Variants in TUT4 observed in about 807,000 individuals in gnomAD.
TUT4 encodes the protein terminal uridylyltransferase 4.
In TUT4, 36 loss-of-function variants were observed where a neutral mutation model predicts 192.2. The ratio of observed to expected loss-of-function variants is 0.19; its 90% CI spans 0.14 to 0.25. The LOEUF is 0.25. Ranked by LOEUF, TUT4 falls within the 10% of genes least tolerant of loss-of-function variation. The probability of loss-of-function intolerance (pLI) is 1.00; values close to 1 mark genes in which losing one functional copy is unlikely to be tolerated. For synonymous variants in TUT4, 618 were observed against 666.0 expected, an observed-to-expected ratio of 0.93 and a Z score of 1.11; for missense variants, 1,493 against 1,957.2, an observed-to-expected ratio of 0.76 and a Z score of 4.47.
At chr1:52,460,959 A>C in intron 19 of TUT4, 175 bp downstream of exon 19, 1 of 405,720 alleles carries the variant, frequency 2.5e-6, no homozygotes, top group East Asian at 3.6e-5. Flanking sequence ...CAGGAAAAAA[A>C]GACAGAGCCA....
chr1:52,441,001 T>C (rs1292815384), intron 24 of TUT4, among the ~76,000 whole-genome samples: 3 of 152,218 alleles, frequency 2.0e-5, no homozygotes, highest in Non-Finnish European at 2.9e-5. Context: ...TGTTCATCTA[T>C]AAATGCTGAT....
chr1:52,433,933 T>G (rs867723840), intron 27 of TUT4: 11 of 152,280 alleles, frequency 7.2e-5, no homozygotes, highest in African/African-American at 2.4e-4. Context: ...ATGTACAGGG[T>G]GTTCAACTGA....
chr1:52,522,016 C>G (rs1489320862), intron 2 of TUT4, among the ~76,000 whole-genome samples: 2 of 151,952 alleles, frequency 1.3e-5, no homozygotes, highest in Non-Finnish European at 2.9e-5. Context: ...ATTTATTTCA[C>G]TGAGAATCAA....
rs200216151 is a variant in TUT4, at chr1:52,452,776, TGA to T, written c.3435+5558_3435+5559del. On this transcript the variant is annotated intron_variant, in intron 20 of 29. Transcript: ENST00000257177. ...AAACCAGTAAGCCTAAGTAAATGGT[TGA>T]GTTCTGTGAGCCATTCTAGCAAATT... Among the ~76,000 whole-genome samples the T allele has an allele frequency of 3.5e-3, 540 of 152,306 alleles. 8 individuals carry two copies. Among genetic ancestry groups the T allele is most frequent in the South Asian group, 0.034 (163 of 4,814 alleles).
At chr1:52,500,013 T>C (rs993549095) in intron 4 of TUT4, among the ~76,000 whole-genome samples, 13 of 151,486 alleles carry the variant, frequency 8.6e-5, no homozygotes, top group South Asian at 2.1e-4. Flanking sequence ...TCCCAGCTAC[T>C]TGGGAGGCTG....
intron 3 of TUT4, among the ~76,000 whole-genome samples, chr1:52,512,219 C>T (rs974134077): frequency 6.6e-6 from 1 of 152,178 alleles, no homozygotes; most frequent in African/African-American, 2.4e-5. Context: ...CTGATTCTAT[C>T]TCCTTATTTA....
At chr1:52,480,679 T>C (rs1268482376) in intron 11 of TUT4, among the ~76,000 whole-genome samples, 1 of 152,120 alleles carries the variant, frequency 6.6e-6, no homozygotes, top group Non-Finnish European at 1.5e-5. Context: ...AGTGATATTC[T>C]GGAAAAGACA....
intron 6 of TUT4, among the ~76,000 whole-genome samples, chr1:52,495,117 T>A (rs1672132891): frequency 6.6e-6 from 1 of 152,170 alleles, no homozygotes; most frequent in African/African-American, 2.4e-5. Context: ...AATCTAGGTA[T>A]CTGATTTCAA....
chr1:52,503,296 C>A (rs1308165904), intron 4 of TUT4, among the ~76,000 whole-genome samples: 1 of 151,872 alleles, frequency 6.6e-6, no homozygotes, highest in Non-Finnish European at 1.5e-5. Context: ...ATGGAGCTTA[C>A]AGTCAAGAGA....
At chr1:52,426,903 G>A (rs925999644) in intron 28 of TUT4, among the ~76,000 whole-genome samples, 4 of 151,920 alleles carry the variant, frequency 2.6e-5, no homozygotes, top group Admixed American at 6.6e-5. Flanking sequence ...AATCTCCTCC[G>A]ATACAACTAT....
At chr1:52,532,045 G>A (rs1293583644) in intron 1 of TUT4, among the ~76,000 whole-genome samples, 1 of 151,360 alleles carries the variant, frequency 6.6e-6, no homozygotes, top group Non-Finnish European at 1.5e-5. Flanking sequence ...GTGCTACCAC[G>A]CCCAGCTAAT....
intron 20 of TUT4, among the ~76,000 whole-genome samples, chr1:52,447,405 T>C (rs867042563): frequency 2.3e-4 from 35 of 149,308 alleles, no homozygotes; most frequent in Non-Finnish European, 1.8e-4. Context: ...GCCGAGATCG[T>C]GCCACTGCAC....
intron 24 of TUT4, among the ~76,000 whole-genome samples, chr1:52,443,837 A>C (rs972323208): frequency 6.6e-6 from 1 of 152,218 alleles, no homozygotes; most frequent in Non-Finnish European, 1.5e-5. Flanking sequence ...ATGCATATAT[A>C]AACACAAATA....
intron 4 of TUT4, among the ~76,000 whole-genome samples, chr1:52,498,887 A>C (rs1198260892): frequency 1.1e-5 from 1 of 90,182 alleles, no homozygotes; most frequent in African/African-American, 4.1e-5. Context: ...ACTCCATTAC[A>C]AAAAAAAAAA....
chr1:52,477,489 C>T (rs537343109), intron 12 of TUT4, among the ~76,000 whole-genome samples: 1 of 152,230 alleles, frequency 6.6e-6, no homozygotes, highest in South Asian at 2.1e-4. Flanking sequence ...ATCCCTTGAA[C>T]CCATGAGTTT....
At chr1:52,492,182 C>G (rs917233718) in intron 7 of TUT4, among the ~76,000 whole-genome samples, 2 of 152,084 alleles carry the variant, frequency 1.3e-5, no homozygotes, top group African/African-American at 4.8e-5. Context: ...AGAAAGAAAA[C>G]TGTATTAAAA....
At chr1:52,527,503 G>C (rs1047581170) in intron 1 of TUT4, among the ~76,000 whole-genome samples, 1 of 152,048 alleles carries the variant, frequency 6.6e-6, no homozygotes. Flanking sequence ...AGTGAGCCAA[G>C]ATCGCACCAC....
At chr1:52,440,292 GT>G (rs1031431234) in intron 24 of TUT4, among the ~76,000 whole-genome samples, 16 of 152,112 alleles carry the variant, frequency 1.1e-4, no homozygotes, top group African/African-American at 3.9e-4. Context: ...AAGCTGTTTG[GT>G]TTGGTTTTAT....
At chr1:52,489,379 T>C (rs1028528300) in intron 8 of TUT4, among the ~76,000 whole-genome samples, 2 of 152,194 alleles carry the variant, frequency 1.3e-5, no homozygotes, top group African/African-American at 2.4e-5. Context: ...ACTGATCTCT[T>C]CAATGTCAAA....
Sources: allele counts gnomAD v4.1 joint callset (sites outside exome capture counted in the v4.1 genomes callset), GRCh38; gene constraint gnomAD v4.1.1; transcripts MANE v1.5; gene names NCBI Gene and HGNC (gene_info 2026-07-23, HGNC 2026-07-21).